PTPRD: variants seen among roughly 807,000 people sequenced by gnomAD.
PTPRD encodes protein tyrosine phosphatase receptor type D.
Under a neutral mutation model 214.5 loss-of-function variants are expected in PTPRD, and 34 were observed. The observed-to-expected ratio is 0.16, with a 90% confidence interval of 0.12 to 0.21. PTPRD has a LOEUF of 0.21. Among genes scored for constraint, PTPRD ranks in the 10% least tolerant of loss-of-function variants. The pLI is 1.00. For missense variants in PTPRD, 2,545 were observed against 2,398.7 expected (o/e 1.06, Z -1.27); for synonymous variants, 1,128 against 845.7 (o/e 1.33, Z -5.79).
chr9:9,509,197 A>G (rs540143456), intron 8 of PTPRD, among the ~76,000 whole-genome samples: 104 of 151,808 alleles, frequency 6.9e-4, no homozygotes, highest in African/African-American at 2.4e-3. Flanking sequence ...TTTTTCCTGT[A>G]AAATACACAT....
intron 34 of PTPRD, among the ~76,000 whole-genome samples, chr9:8,442,970 G>A (rs138626526): frequency 7.0e-4 from 106 of 152,210 alleles, no homozygotes; most frequent in African/African-American, 2.4e-3. Flanking sequence ...GGAAGACCCC[G>A]TTTCTGCAAC....
intron 10 of PTPRD, among the ~76,000 whole-genome samples, chr9:9,172,546 T>G (rs2099922098): frequency 6.6e-6 from 1 of 152,160 alleles, no homozygotes. Flanking sequence ...TTGGAAATAT[T>G]TGCACTCTCC....
intron 7 of PTPRD, among the ~76,000 whole-genome samples, chr9:9,607,171 G>C (rs1167396091): frequency 6.6e-6 from 1 of 151,710 alleles, no homozygotes; most frequent in Non-Finnish European, 1.5e-5. Flanking sequence ...CTGAGGGTGA[G>C]GATTAGAAGA....
chr9:8,699,382 T>C (rs942459654), intron 12 of PTPRD, among the ~76,000 whole-genome samples: 11 of 152,172 alleles, frequency 7.2e-5, no homozygotes, highest in African/African-American at 2.7e-4. Flanking sequence ...GATTAATTCC[T>C]GAAATAATGT....
chr9:10,104,084 C>G (rs890479060), intron 3 of PTPRD, among the ~76,000 whole-genome samples: 1 of 151,606 alleles, frequency 6.6e-6, no homozygotes, highest in Non-Finnish European at 1.5e-5. Flanking sequence ...AAATACTGTT[C>G]GATTCCACTT....
intron 8 of PTPRD, among the ~76,000 whole-genome samples, chr9:9,487,877 C>G (rs1160278878): frequency 3.3e-5 from 5 of 152,110 alleles, no homozygotes; most frequent in Non-Finnish European, 7.4e-5. Context: ...TACACAGAAT[C>G]TGACAGAAGT....
chr9:10,336,757 A>G (rs1315699801), intron 3 of PTPRD, among the ~76,000 whole-genome samples: 2 of 151,712 alleles, frequency 1.3e-5, no homozygotes, highest in African/African-American at 2.4e-5. Flanking sequence ...AGCTATATCT[A>G]AAACAAAATA....
At chr9:10,456,113 C>T (rs1037310618) in intron 2 of PTPRD, among the ~76,000 whole-genome samples, 1 of 151,794 alleles carries the variant, frequency 6.6e-6, no homozygotes, top group Admixed American at 6.6e-5. Flanking sequence ...AGTTTGGGCT[C>T]ATTAAGTAAA....
intron 5 of PTPRD, among the ~76,000 whole-genome samples, chr9:9,924,389 T>G (rs1343087382): frequency 6.6e-6 from 1 of 152,074 alleles, no homozygotes; most frequent in Non-Finnish European, 1.5e-5. Context: ...GCTGCCATTA[T>G]TCTGTTGCTG....
At chr9:9,517,387 G>A (rs2096864026) in intron 8 of PTPRD, among the ~76,000 whole-genome samples, 1 of 152,078 alleles carries the variant, frequency 6.6e-6, no homozygotes, top group Admixed American at 6.6e-5. Flanking sequence ...GAGGTAATGT[G>A]ACATAGATAT....
intron 11 of PTPRD, among the ~76,000 whole-genome samples, chr9:8,983,543 G>A (rs1400677493): frequency 6.6e-6 from 1 of 150,634 alleles, no homozygotes; most frequent in East Asian, 2.0e-4. Flanking sequence ...TGGAGAAAAA[G>A]TCTCACTCTC....
intron 39 of PTPRD, among the ~76,000 whole-genome samples, chr9:8,363,404 C>G (rs2078988875): frequency 2.6e-5 from 4 of 152,184 alleles, no homozygotes; most frequent in Admixed American, 2.6e-4. Context: ...CACAACTCTT[C>G]TATACACATC....
chr9:10,091,987 G>T (rs1304104868), intron 3 of PTPRD, among the ~76,000 whole-genome samples: 1 of 151,302 alleles, frequency 6.6e-6, no homozygotes, highest in Admixed American at 6.6e-5. Flanking sequence ...ATAACTTAGG[G>T]TTTATAATGA....
chr9:8,421,369 C>CTTCT (rs1311339384), intron 35 of PTPRD, among the ~76,000 whole-genome samples: 1 of 118,514 alleles, frequency 8.4e-6, no homozygotes, highest in Non-Finnish European at 1.9e-5. Context: ...CTTCTCTTCT[C>CTTCT]TTCTCTCTCT....
intron 11 of PTPRD, among the ~76,000 whole-genome samples, chr9:8,768,310 G>A (rs2094921766): frequency 6.6e-6 from 1 of 152,164 alleles, no homozygotes; most frequent in South Asian, 2.1e-4. Context: ...CAACACTTTG[G>A]GAGGCTGATG....
At chr9:9,463,250 G>C (rs181077017) in intron 8 of PTPRD, among the ~76,000 whole-genome samples, 1 of 152,268 alleles carries the variant, frequency 6.6e-6, no homozygotes, top group East Asian at 1.9e-4. Flanking sequence ...AGGGATCATT[G>C]AATCCTTGAA....
At chr9:8,772,634 C>A (rs919777618) in intron 11 of PTPRD, among the ~76,000 whole-genome samples, 1 of 152,028 alleles carries the variant, frequency 6.6e-6, no homozygotes, top group African/African-American at 2.4e-5. Context: ...TAGAGCAAGA[C>A]CTTGTCTCTA....
intron 3 of PTPRD, among the ~76,000 whole-genome samples, chr9:10,088,598 G>T (rs546928617): frequency 9.2e-5 from 14 of 151,852 alleles, no homozygotes; most frequent in Admixed American, 3.3e-4. Flanking sequence ...TAAAGGAACT[G>T]GAGTTTTACT....
chr9:9,863,678 G>A (rs552111726), intron 5 of PTPRD, among the ~76,000 whole-genome samples: 3 of 152,118 alleles, frequency 2.0e-5, no homozygotes, highest in South Asian at 4.1e-4. Flanking sequence ...ACCCTCTTAC[G>A]TCACTGAAAT....
Sources: allele counts gnomAD v4.1 joint callset (sites outside exome capture counted in the v4.1 genomes callset), GRCh38; gene constraint gnomAD v4.1.1; transcripts MANE v1.5; gene names NCBI Gene and HGNC (gene_info 2026-07-23, HGNC 2026-07-21).